The following PPP2CA variants were observed in gnomAD, a reference collection of about 807,000 sequenced individuals.
PPP2CA encodes the protein protein phosphatase 2 catalytic subunit alpha, also known as serine/threonine-protein phosphatase 2A catalytic subunit alpha isoform.
In PPP2CA, 5 loss-of-function variants were observed where a neutral mutation model predicts 38.8. The ratio of observed to expected loss-of-function variants is 0.13; its 90% CI spans 0.07 to 0.27. The LOEUF is 0.27. PPP2CA is among the 10% of genes least tolerant of loss of function. The pLI, the probability that PPP2CA is intolerant of heterozygous loss-of-function variation, is 1.00. For synonymous variants in PPP2CA, 152 were observed against 134.0 expected (o/e 1.13, Z -0.93); for missense variants, 88 against 389.7 (o/e 0.23, Z 6.52).
At chr5:134,200,296 A>G in intron 5 of PPP2CA, 39 bp downstream of exon 5, 1 of 1,555,786 alleles carries the variant, frequency 6.4e-7, no homozygotes, top group Non-Finnish European at 8.7e-7. Flanking sequence ...CCTTAAGTTT[A>G]CTAAAAAAAC....
At position 134,199,187 on chromosome 5, in the gene PPP2CA, A is replaced by G. The variant is rs146517597; in HGVS notation, c.756T>C (p.His252=). Residue 252 remains histidine, a synonymous_variant, in exon 6 of 7, where the codon CAT becomes CAC. Transcript: ENST00000481195. ...QLVMEGYNWC[H]DRNVVTIFSA... is the part of the protein sequence containing the mutation. ...TGAAAATCGTTACTACATTCCGGTCATGGCACCAGTTATATCCCTGCAAGG... is the reference window on the plus strand; with the variant it reads ...TGAAAATCGTTACTACATTCCGGTCGTGGCACCAGTTATATCCCTGCAAGG... 6.3e-5 allele frequency: 101 copies of G among 1,613,732 alleles called. No homozygotes were observed. The highest frequency in any genetic ancestry group is 8.2e-5 in the Non-Finnish European group (97 of 1,179,620).
At chr5:134,210,743 G>A (rs1483701153) in intron 1 of PPP2CA, among the ~76,000 whole-genome samples, 1 of 152,052 alleles carries the variant, frequency 6.6e-6, no homozygotes, top group African/African-American at 2.4e-5. Context: ...TGAGGCAGGG[G>A]CATCACTTGA....
chr5:134,215,097 CTTT>C (rs10715226), intron 1 of PPP2CA, among the ~76,000 whole-genome samples: 35 of 124,528 alleles, frequency 2.8e-4, no homozygotes, highest in Middle Eastern at 4.1e-3. Context: ...TATTTATTTA[CTTT>C]TTTTTTTTTT....
chr5:134,212,518 CCT>C (rs1445913038), intron 1 of PPP2CA, among the ~76,000 whole-genome samples: 1 of 152,134 alleles, frequency 6.6e-6, no homozygotes, highest in African/African-American at 2.4e-5. Context: ...CTCCCTATCC[CCT>C]GAGACACAAT....
chr5:134,200,180 T>C (rs1233819433), intron 5 of PPP2CA, among the ~76,000 whole-genome samples, 155 bp downstream of exon 5: 2 of 152,242 alleles, frequency 1.3e-5, no homozygotes, highest in Non-Finnish European at 2.9e-5. Flanking sequence ...ATTCTAGTAG[T>C]GTGCATCTAC....
intron 2 of PPP2CA, among the ~76,000 whole-genome samples, chr5:134,202,738 A>C (rs1761994799): frequency 6.6e-6 from 1 of 152,196 alleles, no homozygotes; most frequent in Admixed American, 6.5e-5. Flanking sequence ...TTCTTTTAGG[A>C]AGATTCCTAA....
chr5:134,210,109 CAA>C (rs11356097), intron 1 of PPP2CA, among the ~76,000 whole-genome samples: 13 of 146,320 alleles, frequency 8.9e-5, no homozygotes, highest in Admixed American at 6.8e-5. Flanking sequence ...ACAGCCATCT[CAA>C]AAAAAAAAAA....
chr5:134,224,350 TAGTAGTA>T (rs1762514654), intron 1 of PPP2CA: 1 of 449,926 alleles, frequency 2.2e-6, no homozygotes, highest in African/African-American at 2.0e-5. Flanking sequence ...CCTCATCCAC[TAGTAGTA>T]GTTTTGTTCA....
chr5:134,224,056 GTTACGTCA>G (rs1762504036), intron 1 of PPP2CA, among the ~76,000 whole-genome samples: 1 of 152,174 alleles, frequency 6.6e-6, no homozygotes, highest in Admixed American at 6.5e-5. Context: ...CAGTCTTCCA[GTTACGTCA>G]TTACCTCCCT....
intron 4 of PPP2CA, 36 bp from the exon 5 acceptor site, chr5:134,200,532 C>A: frequency 6.2e-7 from 1 of 1,600,968 alleles, no homozygotes; most frequent in Non-Finnish European, 8.5e-7. Flanking sequence ...ATGCCTTTTA[C>A]AAACATGGTT....
chr5:134,214,299 G>T (rs1762273286), intron 1 of PPP2CA, among the ~76,000 whole-genome samples: 1 of 152,082 alleles, frequency 6.6e-6, no homozygotes, highest in Non-Finnish European at 1.5e-5. Flanking sequence ...ATCTCATTTT[G>T]TGTCCTAAAG....
intron 1 of PPP2CA, among the ~76,000 whole-genome samples, chr5:134,220,010 CAAAAAAAAAA>C (rs10578851): frequency 1.9e-5 from 2 of 103,536 alleles, no homozygotes; most frequent in East Asian, 2.8e-4. Flanking sequence ...GGCTCCGTAT[CAAAAAAAAAA>C]AAAAAAAAAA....
intron 1 of PPP2CA, chr5:134,224,196 G>A (rs545229569): frequency 2.3e-4 from 102 of 438,512 alleles, no homozygotes; most frequent in African/African-American, 1.8e-3. Context: ...TAGAAATTAA[G>A]ACCTGGCAAT....
At position 134,197,693 on chromosome 5, in the gene PPP2CA, T is replaced by C. The variant is rs1761883569; in HGVS notation, c.*79A>G. The C allele has an allele frequency of 8.7e-7, 1 of 1,144,952 alleles. No individual in the cohort carries two copies. 70.9% of individuals were successfully genotyped at this position (1,144,952 alleles called of 1,614,324 possible). On this transcript the variant is annotated 3_prime_UTR_variant, in exon 7 of 7. Coordinates refer to ENST00000481195, the MANE Select transcript of PPP2CA (RefSeq NM_002715.4). ...TGAATGTTAACTATTTTCTGACACT[T>C]TGGAGTTACTGTTGCTCTTCCCATT...
intron 2 of PPP2CA, among the ~76,000 whole-genome samples, chr5:134,204,674 T>C (rs1762039783): frequency 6.6e-6 from 1 of 152,034 alleles, no homozygotes; most frequent in African/African-American, 2.4e-5. Context: ...ACTACGCTGT[T>C]CTTAAACTCC....
chr5:134,217,300 G>A (rs899557626), intron 1 of PPP2CA, among the ~76,000 whole-genome samples: 2 of 151,862 alleles, frequency 1.3e-5, no homozygotes, highest in African/African-American at 4.8e-5. Flanking sequence ...AAAAAAAAAA[G>A]AAGTCTGATT....
rs530676303 is a variant in PPP2CA, at chr5:134,201,514, TAA to T, written c.486+332_486+333del. On this transcript the variant is annotated intron_variant, in intron 3 of 6. Transcript: ENST00000481195. ...TCTTCATACTCATAAAATTTTATTG[TAA>T]GTTCTTTTGTGTGCACATCTACCTA... Among the ~76,000 whole-genome samples the T allele has an allele frequency of 8.1e-4, 123 of 152,344 alleles. 1 individual carries two copies. The highest frequency in any genetic ancestry group is 2.7e-3 in the African/African-American group (111 of 41,580).
chr5:134,199,202 T>A lies in PPP2CA; in HGVS notation c.741A>T (p.Gly247=). 4 of 1,609,024 alleles carry A rather than the reference T, an allele frequency of 2.5e-6. No individual in the cohort carries two copies. Among genetic ancestry groups the A allele is most frequent in the Non-Finnish European group, 3.4e-6 (4 of 1,175,540 alleles). Residue 247 remains glycine (G), a splice_region_variant and synonymous_variant, in exon 6 of 7, where the codon GGA becomes GGT. Transcript: ENST00000481195. ...CATTCCGGTCATGGCACCAGTTATA[T>A]CCCTGCAAGGAAAAGGAGACAAAAA... is the stretch of plus-strand genomic sequence containing the variant. ...VSRAHQLVME[G]YNWCHDRNVV...
chr5:134,198,659 G>A (rs1375323735), intron 6 of PPP2CA, among the ~76,000 whole-genome samples: 2 of 152,084 alleles, frequency 1.3e-5, no homozygotes, highest in East Asian at 1.9e-4. Flanking sequence ...TCTGCCTCCC[G>A]GATTCATGCC....
Sources: allele counts gnomAD v4.1 joint callset (sites outside exome capture counted in the v4.1 genomes callset), GRCh38; gene constraint gnomAD v4.1.1; transcripts MANE v1.5; gene names NCBI Gene and HGNC (gene_info 2026-07-23, HGNC 2026-07-21).